Variants in DENND1A observed in about 807,000 individuals in gnomAD.
The protein encoded by DENND1A is DENN domain containing 1A.
A neutral mutation model predicts 113.7 loss-of-function variants in DENND1A; 51 were observed. The observed-to-expected ratio is 0.45, with a 90% CI of 0.36 to 0.57. DENND1A has a LOEUF of 0.57. Among genes scored for constraint, DENND1A ranks in the 20% least tolerant of loss-of-function variants. The pLI, the probability that DENND1A is intolerant of heterozygous loss-of-function variation, is 0.00. For synonymous variants in DENND1A, 565 were observed against 570.8 expected (o/e 0.99, Z 0.14); for missense variants, 1,258 against 1,395.9 (o/e 0.90, Z 1.57).
At chr9:123,729,215 C>T (rs376801481) in intron 5 of DENND1A, among the ~76,000 whole-genome samples, 1 of 152,168 alleles carries the variant, frequency 6.6e-6, no homozygotes, top group Non-Finnish European at 1.5e-5. Context: ...GACAATGATG[C>T]CCCCCTCACC....
chr9:123,868,435 C>A (rs1440006243), intron 2 of DENND1A, among the ~76,000 whole-genome samples: 2 of 152,146 alleles, frequency 1.3e-5, no homozygotes, highest in African/African-American at 4.8e-5. Context: ...ATAACAGCTC[C>A]CATTTATAAA....
chr9:123,595,547 C>T (rs1424264420), intron 11 of DENND1A, among the ~76,000 whole-genome samples: 1 of 152,052 alleles, frequency 6.6e-6, no homozygotes, highest in African/African-American at 2.4e-5. Context: ...GGACCATTCC[C>T]ACTCACCCAC....
chr9:123,701,109 G>C (rs2065858547), intron 5 of DENND1A, among the ~76,000 whole-genome samples: 2 of 152,046 alleles, frequency 1.3e-5, no homozygotes, highest in Non-Finnish European at 2.9e-5. Context: ...ACAATATAGG[G>C]GAAAATCTCT....
intron 5 of DENND1A, among the ~76,000 whole-genome samples, chr9:123,686,999 CT>C (rs1202584833): frequency 6.6e-6 from 1 of 152,118 alleles, no homozygotes; most frequent in African/African-American, 2.4e-5. Context: ...CATTTACGCT[CT>C]ATGCTTCAAT....
chr9:123,717,663 TTA>T (rs1252610650), intron 5 of DENND1A, among the ~76,000 whole-genome samples: 7 of 152,352 alleles, frequency 4.6e-5, no homozygotes, highest in Non-Finnish European at 5.9e-5. Context: ...AAGCCCTATT[TTA>T]ATGTAAGGCT....
chr9:123,733,670 A>AT (rs747578846), intron 5 of DENND1A, among the ~76,000 whole-genome samples: 4,215 of 135,560 alleles, frequency 0.031, 77 homozygotes, highest in Non-Finnish European at 0.039. Context: ...CTTGTTGGTT[A>AT]TTTTTTTTTT....
chr9:123,751,541 C>T (rs1289991650), intron 5 of DENND1A: 2 of 152,160 alleles, frequency 1.3e-5, no homozygotes, highest in Non-Finnish European at 2.9e-5. Flanking sequence ...TCACTTTTGC[C>T]TTGGTCTAAA....
intron 3 of DENND1A, among the ~76,000 whole-genome samples, chr9:123,772,617 G>A (rs143769372): frequency 1.3e-5 from 2 of 152,172 alleles, no homozygotes; most frequent in African/African-American, 4.8e-5. Flanking sequence ...GCTAAGGCAG[G>A]GGGTGGGGAG....
At chr9:123,860,997 G>A (rs1235693674) in intron 2 of DENND1A, among the ~76,000 whole-genome samples, 2 of 152,206 alleles carry the variant, frequency 1.3e-5, no homozygotes, top group African/African-American at 4.8e-5. Context: ...GGTAATCAGT[G>A]ATAATACTAC....
intron 4 of DENND1A, among the ~76,000 whole-genome samples, chr9:123,767,733 C>T (rs1385416408): frequency 1.3e-5 from 2 of 152,156 alleles, no homozygotes; most frequent in African/African-American, 2.4e-5. Context: ...TTTCTTCTAA[C>T]ATTAGTAAAC....
intron 21 of DENND1A, among the ~76,000 whole-genome samples, chr9:123,396,587 C>T (rs911236668): frequency 2.0e-5 from 3 of 152,186 alleles, no homozygotes; most frequent in South Asian, 2.1e-4. Flanking sequence ...GGGCTTCGGG[C>T]GGGGTTTTCT....
intron 3 of DENND1A, among the ~76,000 whole-genome samples, chr9:123,776,273 T>C (rs1830455567): frequency 6.6e-6 from 1 of 152,136 alleles, no homozygotes; most frequent in African/African-American, 2.4e-5. Context: ...CCTGGTAAAT[T>C]CCCTCTGATC....
intron 2 of DENND1A, among the ~76,000 whole-genome samples, chr9:123,869,948 C>T (rs1039256747): frequency 5.4e-5 from 8 of 146,866 alleles, no homozygotes; most frequent in African/African-American, 1.0e-4. Flanking sequence ...ACCATGATCA[C>T]GCCATTGAAA....
intron 5 of DENND1A, among the ~76,000 whole-genome samples, chr9:123,744,405 T>C: frequency 6.6e-6 from 1 of 152,214 alleles, no homozygotes; most frequent in East Asian, 1.9e-4. Flanking sequence ...CTTAAAATTG[T>C]TTCTAACTTT....
intron 5 of DENND1A, among the ~76,000 whole-genome samples, chr9:123,730,855 C>T (rs2068109187): frequency 6.6e-6 from 1 of 152,074 alleles, no homozygotes; most frequent in East Asian, 1.9e-4. Context: ...TGGAACCAAC[C>T]CAAATGCCCA....
At chr9:123,829,857 G>A (rs371772538) in intron 2 of DENND1A, among the ~76,000 whole-genome samples, 125 of 152,208 alleles carry the variant, frequency 8.2e-4, no homozygotes, top group Non-Finnish European at 1.4e-3. Flanking sequence ...GGAAACACTC[G>A]TTTTGAGGCC....
At chr9:123,639,186 C>G (rs1225580367) in intron 9 of DENND1A, among the ~76,000 whole-genome samples, 1 of 151,594 alleles carries the variant, frequency 6.6e-6, no homozygotes, top group Non-Finnish European at 1.5e-5. Context: ...GCCTGTAATA[C>G]CAGCACTTAC....
At chr9:123,433,489 C>T (rs926043787) in intron 19 of DENND1A, among the ~76,000 whole-genome samples, 4 of 152,110 alleles carry the variant, frequency 2.6e-5, no homozygotes, top group African/African-American at 7.2e-5. Flanking sequence ...AAGTAAGTTG[C>T]AAGCATTGTG....
intron 13 of DENND1A, among the ~76,000 whole-genome samples, chr9:123,496,271 A>T (rs577778315): frequency 6.6e-6 from 1 of 152,368 alleles, no homozygotes; most frequent in South Asian, 2.1e-4. Context: ...ACTTTGGAGG[A>T]GCATTGTCAT....
Sources: allele counts gnomAD v4.1 joint callset (sites outside exome capture counted in the v4.1 genomes callset), GRCh38; gene constraint gnomAD v4.1.1; transcripts MANE v1.5; gene names NCBI Gene and HGNC (gene_info 2026-07-23, HGNC 2026-07-21).